Variants in APH1B observed in about 807,000 individuals in gnomAD.
APH1B encodes gamma-secretase subunit APH-1B.
In APH1B, 27 loss-of-function variants were observed where a neutral mutation model predicts 28.2. The observed-to-expected ratio is 0.96, with a 90% confidence interval of 0.70 to 1.32. APH1B has a LOEUF of 1.32. Ranked by LOEUF, APH1B falls within the 40% of genes most tolerant of loss-of-function variation. The pLI is 0.00. For missense variants in APH1B, 305 were observed against 313.6 expected (o/e 0.97, Z 0.21); for synonymous variants, 141 against 124.6 (o/e 1.13, Z -0.88).
chr15:63,289,903 C>T (rs2038486576), intron 4 of APH1B, among the ~76,000 whole-genome samples: 1 of 151,918 alleles, frequency 6.6e-6, no homozygotes, highest in South Asian at 2.1e-4. Flanking sequence ...ACTCAGGAGG[C>T]CGAGGTGGGA....
intron 1 of APH1B, among the ~76,000 whole-genome samples, chr15:63,278,851 A>G (rs1459533471): frequency 4.6e-5 from 7 of 152,242 alleles, no homozygotes; most frequent in Non-Finnish European, 7.3e-5. Context: ...AGAGTAGCAA[A>G]TAACCAAGTT....
At chr15:63,299,045 G>A (rs977144582) in intron 4 of APH1B, among the ~76,000 whole-genome samples, 8 of 152,142 alleles carry the variant, frequency 5.3e-5, no homozygotes, top group Non-Finnish European at 1.0e-4. Flanking sequence ...TCAGACAAAA[G>A]GGATAATCTA....
intron 2 of APH1B, among the ~76,000 whole-genome samples, chr15:63,281,552 CA>C (rs78791574): frequency 1.5e-4 from 18 of 119,608 alleles, no homozygotes; most frequent in South Asian, 2.8e-4. Context: ...AAAAAAAAAA[CA>C]AAAAAAAACA....
In APH1B at chr15:63,308,740, C is replaced by T. The variant is rs2038712658; in HGVS notation, c.*2959C>T. On this transcript the variant is annotated 3_prime_UTR_variant, in exon 6 of 6. Transcript: ENST00000261879. Reference sequence around the variant, plus strand: ...TCAGATGGGGGCAGCCTGTGACGGGCACCAGCGGCCTGATTCCAGGGAAGA... The same window carrying T: ...TCAGATGGGGGCAGCCTGTGACGGGTACCAGCGGCCTGATTCCAGGGAAGA... 1 of 152,256 alleles carries T rather than the reference C, an allele frequency of 6.6e-6. No homozygotes were observed. The highest frequency in any genetic ancestry group is 2.4e-5 in the African/African-American group (1 of 41,456). The allele number at this position is 152,256 out of a possible 1,614,324, so 9.4% of individuals were successfully genotyped here.
In APH1B at chr15:63,302,457, G is replaced by A; in HGVS notation, c.591G>A (p.Leu197=). The A allele has an allele frequency of 1.2e-6, 2 of 1,613,670 alleles. No individual in the cohort carries two copies. The highest frequency in any genetic ancestry group is 1.7e-6 in the Non-Finnish European group (2 of 1,179,838). Residue 197 remains leucine, a synonymous_variant, in exon 5 of 6, where the codon CTG becomes CTA. Coordinates refer to ENST00000261879, the MANE Select transcript of APH1B (RefSeq NM_031301.4). ...GILLIVLLTH[L]LVSAQTFISS... ...TCCTTATCGTTCTCCTGACCCACCT[G>A]CTGGTGTCAGCCCAGGTGAGTGTTG...
intron 3 of APH1B, chr15:63,287,117 A>G: frequency 3.5e-6 from 1 of 284,522 alleles, no homozygotes; most frequent in Non-Finnish European, 6.6e-6. Context: ...CTGTTATCAT[A>G]AAGTAAGCCG....
chr15:63,283,917 G>C (rs1003640789), intron 2 of APH1B, among the ~76,000 whole-genome samples: 6 of 152,040 alleles, frequency 3.9e-5, no homozygotes, highest in African/African-American at 7.2e-5. Context: ...TTATCTAGTT[G>C]TTCTGTCACC....
At chr15:63,298,237 G>T (rs1443232218) in intron 4 of APH1B, among the ~76,000 whole-genome samples, 1 of 152,086 alleles carries the variant, frequency 6.6e-6, no homozygotes, top group African/African-American at 2.4e-5. Flanking sequence ...TTGAGACAGG[G>T]TCTAGCTCTG....
rs1319190578 is a variant in APH1B at position 63,307,614 on chromosome 15, GATT to G, written c.*1837_*1839del. 6.6e-6 allele frequency: 1 copy of G among 152,098 alleles called. No homozygotes were observed. Among genetic ancestry groups the G allele is most frequent in the Non-Finnish European group, 1.5e-5 (1 of 68,026 alleles). 9.4% of individuals were successfully genotyped at this position (152,098 alleles called of 1,614,324 possible). A position where few individuals can be genotyped will look rare whatever the true frequency, so the allele number is the denominator to read the frequency against. On this transcript the variant is annotated 3_prime_UTR_variant, in exon 6 of 6. Transcript: ENST00000261879. ...GGGAATAGGATACTCATCAAACTGG[GATT>G]ATTCTTATCAAAACATGGTCTTCTT...
chr15:63,295,318 C>G (rs1020321196), intron 4 of APH1B, among the ~76,000 whole-genome samples: 1 of 152,218 alleles, frequency 6.6e-6, no homozygotes, highest in African/African-American at 2.4e-5. Context: ...GAAGGCAGGT[C>G]CCCCATTAGG....
chr15:63,302,206 CA>C, intron 4 of APH1B, 138 bp from the exon 5 acceptor site: 1 of 1,015,756 alleles, frequency 9.8e-7, no homozygotes, highest in Non-Finnish European at 1.4e-6. Flanking sequence ...TTGAGTGTGT[CA>C]AGGCCCTGTT....
Position 63,304,064 on chromosome 15 carries a change from TTTA to T in APH1B, c.607-1547_607-1545del, listed in dbSNP as rs2038662660. Among the ~76,000 whole-genome samples, 1 of 152,230 alleles carries T rather than the reference TTTA, an allele frequency of 6.6e-6. No individual in the cohort carries two copies. Among genetic ancestry groups the T allele is most frequent in the South Asian group, 2.1e-4 (1 of 4,836 alleles). ...TCGTCCACCTCCTCACTGCATTCTCTTTATTGTTAGTCGTCCTGCTGGCTATGT... is the reference window on the plus strand; with the variant it reads ...TCGTCCACCTCCTCACTGCATTCTCTTTGTTAGTCGTCCTGCTGGCTATGT... On this transcript the variant is annotated intron_variant, in intron 5 of 5. Coordinates refer to ENST00000261879, the MANE Select transcript of APH1B (RefSeq NM_031301.4). The surrounding 1 kb of genome is among the most constrained non-coding windows in gnomAD (Gnocchi z 5.1).
At chr15:63,281,832 G>C (rs1276345499) in intron 2 of APH1B, among the ~76,000 whole-genome samples, 1 of 150,788 alleles carries the variant, frequency 6.6e-6, no homozygotes, top group Non-Finnish European at 1.5e-5. Context: ...CTTTTTTAAT[G>C]AGGGCAGGAA....
At chr15:63,296,960 A>G (rs16946764) in intron 4 of APH1B, among the ~76,000 whole-genome samples, 1,822 of 152,286 alleles carry the variant, frequency 0.012, 30 homozygotes, top group African/African-American at 0.042. Context: ...TGTTTCTTGA[A>G]GATAACACTG....
chr15:63,279,395 TTGAAACGTGAATATAGTATTGTATCTA>T, intron 2 of APH1B, 64 bp downstream of exon 2: 1 of 1,472,832 alleles, frequency 6.8e-7, no homozygotes, highest in Non-Finnish European at 9.3e-7. Flanking sequence ...ATTTGGTCAT[TTGAAACGTGAATATAGTATTGTATCTA>T]TGCCCTCCTA....
At chr15:63,292,057 C>G (rs760008533) in intron 4 of APH1B, 1 of 152,162 alleles carries the variant, frequency 6.6e-6, no homozygotes, top group Non-Finnish European at 1.5e-5. Context: ...CTTTCATTCA[C>G]TTTTCTATTC....
At chr15:63,282,769 A>C (rs1006052687) in intron 2 of APH1B, among the ~76,000 whole-genome samples, 1 of 152,214 alleles carries the variant, frequency 6.6e-6, no homozygotes, top group African/African-American at 2.4e-5. Flanking sequence ...TTCCATTTAT[A>C]GAAAAAACAT....
At chr15:63,292,682 C>T (rs374381621) in intron 4 of APH1B, among the ~76,000 whole-genome samples, 75 of 152,304 alleles carry the variant, frequency 4.9e-4, no homozygotes, top group South Asian at 3.1e-3. Context: ...TGAGCCACCA[C>T]GCCTGGCTTG....
At chr15:63,284,623 G>T (rs2038427211) in intron 2 of APH1B, among the ~76,000 whole-genome samples, 1 of 152,194 alleles carries the variant, frequency 6.6e-6, no homozygotes, top group Admixed American at 6.5e-5. Flanking sequence ...GACGTCACTA[G>T]GCAATAGGGA....
Sources: allele counts gnomAD v4.1 joint callset (sites outside exome capture counted in the v4.1 genomes callset), GRCh38; gene constraint gnomAD v4.1.1; non-coding constraint Gnocchi (gnomAD v3.1); transcripts MANE v1.5; gene names NCBI Gene and HGNC (gene_info 2026-07-23, HGNC 2026-07-21).